Variants in PRELID2 observed in about 807,000 individuals in gnomAD.
PRELID2 encodes PRELI domain-containing protein 2.
Under a neutral mutation model 28.4 loss-of-function variants are expected in PRELID2, and 25 were observed. The ratio of observed to expected loss-of-function variants is 0.88; its 90% CI spans 0.64 to 1.23. The LOEUF is 1.23. PRELID2 is among the 50% of genes most tolerant of loss of function. The probability of loss-of-function intolerance (pLI) is 0.00; values close to 1 mark genes in which losing one functional copy is unlikely to be tolerated. For missense variants in PRELID2, 201 were observed against 214.4 expected, an observed-to-expected ratio of 0.94 and a Z score of 0.39; for synonymous variants, 76 against 71.6, an observed-to-expected ratio of 1.06 and a Z score of -0.31.
chr5:145,723,500 AG>A (rs1276290745), intron 1 of PRELID2, among the ~76,000 whole-genome samples: 1 of 152,226 alleles, frequency 6.6e-6, no homozygotes, highest in African/African-American at 2.4e-5. Flanking sequence ...ACAACTTAAA[AG>A]GGGGAAATAA....
chr5:145,409,823 A>G, the PRELID2 span, among the ~76,000 whole-genome samples: 2 of 152,102 alleles, frequency 1.3e-5, no homozygotes, highest in East Asian at 1.9e-4. Flanking sequence ...AAACTATCAC[A>G]TGAAACCAAA....
At chr5:145,632,520 A>T (rs912245419) in intron 1 of PRELID2, among the ~76,000 whole-genome samples, 12 of 152,182 alleles carry the variant, frequency 7.9e-5, no homozygotes, top group Non-Finnish European at 1.6e-4. Flanking sequence ...TAAACCACAA[A>T]TATCATATCA....
intron 1 of PRELID2, among the ~76,000 whole-genome samples, chr5:145,612,332 A>G (rs993889895): frequency 6.6e-6 from 1 of 152,204 alleles, no homozygotes; most frequent in Non-Finnish European, 1.5e-5. Context: ...TTTCCATCCA[A>G]AACACAAACA....
chr5:145,451,695 T>C, the PRELID2 span, among the ~76,000 whole-genome samples: 5 of 152,170 alleles, frequency 3.3e-5, no homozygotes, highest in East Asian at 3.9e-4. Context: ...TTTGATACAA[T>C]AGAATTTCAG....
At chr5:145,235,628 AT>A in the PRELID2 span, among the ~76,000 whole-genome samples, 40 of 150,592 alleles carry the variant, frequency 2.7e-4, no homozygotes, top group African/African-American at 7.1e-4. Flanking sequence ...ACCCAAGATT[AT>A]TTTTTTTTGC....
At chr5:145,404,131 G>A in the PRELID2 span, among the ~76,000 whole-genome samples, 8 of 152,144 alleles carry the variant, frequency 5.3e-5, no homozygotes, top group African/African-American at 1.2e-4. Context: ...TAAATTAAGC[G>A]TAACATTCTC....
At chr5:145,289,800 C>G in the PRELID2 span, among the ~76,000 whole-genome samples, 4 of 152,156 alleles carry the variant, frequency 2.6e-5, no homozygotes, top group Non-Finnish European at 4.4e-5. Context: ...AGCCATTCTA[C>G]TACATGTATA....
At chr5:145,809,057 G>A (rs1288058579) in intron 4 of PRELID2, among the ~76,000 whole-genome samples, 2 of 26,086 alleles carry the variant, frequency 7.7e-5, no homozygotes, top group Non-Finnish European at 1.4e-4. Context: ...TTTTTTTTTT[G>A]AGACATGGTC....
intron 1 of PRELID2, among the ~76,000 whole-genome samples, chr5:145,611,317 A>G (rs1753613727): frequency 6.6e-6 from 1 of 152,028 alleles, no homozygotes. Context: ...GCATGCACCA[A>G]CACGACTGGC....
intron 1 of PRELID2, among the ~76,000 whole-genome samples, chr5:145,579,228 C>T (rs1176619085): frequency 6.6e-6 from 1 of 152,054 alleles, no homozygotes; most frequent in African/African-American, 2.4e-5. Context: ...GATTATTATG[C>T]ATAAAATCTT....
chr5:145,787,649 C>T (rs1752084264), intron 5 of PRELID2, among the ~76,000 whole-genome samples: 1 of 151,958 alleles, frequency 6.6e-6, no homozygotes, highest in Non-Finnish European at 1.5e-5. Flanking sequence ...AAGCAATCCT[C>T]CCACCTCAGC....
the PRELID2 span, among the ~76,000 whole-genome samples, chr5:145,319,680 AAAATAAATAAAT>A: frequency 2.7e-3 from 385 of 144,650 alleles, 1 homozygote; most frequent in African/African-American, 6.0e-3. Flanking sequence ...CTCCATCTCA[AAAATAAATAAAT>A]AAATAAATAA....
the PRELID2 span, among the ~76,000 whole-genome samples, chr5:145,392,692 G>T: frequency 6.6e-6 from 1 of 151,582 alleles, no homozygotes; most frequent in Non-Finnish European, 1.5e-5. Flanking sequence ...AGAGAGGGAG[G>T]AGAGAGAGAG....
chr5:145,286,696 G>GTTTTT, the PRELID2 span, among the ~76,000 whole-genome samples: 15 of 116,990 alleles, frequency 1.3e-4, no homozygotes, highest in African/African-American at 5.9e-4. Flanking sequence ...CAACATAGAA[G>GTTTTT]TTTTTGTTTT....
chr5:145,647,881 A>G (rs1449629829), intron 1 of PRELID2, among the ~76,000 whole-genome samples: 1 of 151,886 alleles, frequency 6.6e-6, no homozygotes, highest in African/African-American at 2.4e-5. Context: ...CTGTCCAACA[A>G]GTCCCAATGA....
At chr5:145,821,152 G>GGGGTGTGTGTGTGT (rs1471788872) in intron 2 of PRELID2, among the ~76,000 whole-genome samples, 35 of 88,264 alleles carry the variant, frequency 4.0e-4, no homozygotes, top group African/African-American at 1.4e-3. Flanking sequence ...AACTCTCCTG[G>GGGGTGTGTGTGTGT]GTGTGTGTGT....
intron 1 of PRELID2, among the ~76,000 whole-genome samples, chr5:145,634,941 T>C (rs1753980425): frequency 6.6e-6 from 1 of 152,170 alleles, no homozygotes; most frequent in Non-Finnish European, 1.5e-5. Context: ...CTATCAACAC[T>C]CTGTAGCAGC....
the PRELID2 span, among the ~76,000 whole-genome samples, chr5:145,341,796 G>A: frequency 6.6e-6 from 1 of 151,454 alleles, no homozygotes; most frequent in South Asian, 2.1e-4. Flanking sequence ...TATCAGTATT[G>A]CTGTGGTCAA....
chr5:145,413,255 A>G, the PRELID2 span, among the ~76,000 whole-genome samples: 1 of 152,250 alleles, frequency 6.6e-6, no homozygotes, highest in African/African-American at 2.4e-5. Flanking sequence ...ACTAATGATC[A>G]AGGAAATGCA....
Sources: gnomAD v4.1 joint callset for allele counts (sites outside exome capture counted in the v4.1 genomes callset) on GRCh38, gnomAD v4.1.1 for gene constraint, MANE v1.5 for transcripts, NCBI Gene and HGNC (gene_info 2026-07-23, HGNC 2026-07-21) for gene names.